DHX30: variants seen among roughly 807,000 people sequenced by gnomAD.
DHX30 encodes ATP-dependent RNA helicase DHX30.
DHX30 carries 4 observed loss-of-function variants against 116.9 expected under a neutral mutation model. The observed-to-expected ratio is 0.03, with a 90% CI of 0.02 to 0.08. DHX30 has a LOEUF of 0.08. DHX30 is among the 10% of genes least tolerant of loss of function. DHX30 has a pLI of 1.00. For missense variants in DHX30, 871 were observed against 1,595.1 expected, an observed-to-expected ratio of 0.55 and a Z score of 7.73; for synonymous variants, 697 against 651.7, an observed-to-expected ratio of 1.07 and a Z score of -1.06.
At chr3:47,822,231 G>A (rs1209358730) in intron 4 of DHX30, 1 of 152,182 alleles carries the variant, frequency 6.6e-6, no homozygotes, top group Admixed American at 6.5e-5. Context: ...GAGTCATTGA[G>A]GTTTGTGGAG....
intron 3 of DHX30, among the ~76,000 whole-genome samples, chr3:47,813,468 A>G (rs951024757): frequency 5.3e-5 from 8 of 152,214 alleles, no homozygotes; most frequent in Non-Finnish European, 2.9e-5. Context: ...CAATGTGTTT[A>G]TAGGAGGTAA....
intron 6 of DHX30, among the ~76,000 whole-genome samples, chr3:47,830,071 C>G (rs750266304): frequency 5.9e-5 from 9 of 151,528 alleles, no homozygotes; most frequent in Non-Finnish European, 1.2e-4. Flanking sequence ...ACTTTGTGAT[C>G]TGCCTACCTC....
intron 6 of DHX30, among the ~76,000 whole-genome samples, chr3:47,838,245 C>CACGCGTCTATTCTTAATAG (rs1467561826): frequency 6.6e-6 from 1 of 152,206 alleles, no homozygotes; most frequent in Non-Finnish European, 1.5e-5. Context: ...CTGCGGTTTT[C>CACGCGTCTATTCTTAATAG]ACGCGTCTAT....
At chr3:47,845,874 A>G (rs1576516670) in intron 10 of DHX30, 22 bp downstream of exon 10, 2 of 1,585,938 alleles carry the variant, frequency 1.3e-6, no homozygotes, top group East Asian at 4.5e-5. Flanking sequence ...TGCATCCCTC[A>G]CCACCCCTGC....
At chr3:47,810,744 C>T (rs564674170) in intron 3 of DHX30, 33 bp downstream of exon 3, 1 of 1,609,952 alleles carries the variant, frequency 6.2e-7, no homozygotes, top group East Asian at 2.2e-5. Context: ...GACCTCATGC[C>T]CTTCCTTATT....
chr3:47,818,259 C>T, intron 4 of DHX30, 142 bp downstream of exon 4: 1 of 642,226 alleles, frequency 1.6e-6, no homozygotes, highest in Non-Finnish European at 2.8e-6. Context: ...TATTGGAGCC[C>T]TGAGGGAGAA....
rs1428900121 is a variant in DHX30, at chr3:47,849,097, C to G, written c.2929+18C>G. On this transcript the variant is annotated intron_variant, in intron 18 of 21. Coordinates refer to ENST00000445061, the MANE Select transcript of DHX30 (RefSeq NM_138615.3). ...CATCCACGGTCAGTCGGGCCCACAC[C>G]TGCTCTCCTGAGCCCCTCCCACCCC... The G allele has an allele frequency of 3.1e-6, 5 of 1,610,556 alleles. No individual in the cohort carries two copies. The African/African-American group carries it at 4.0e-5, about 13-fold the overall frequency.
chr3:47,829,302 ATATATATATATATT>A (rs1169499004), intron 6 of DHX30, among the ~76,000 whole-genome samples, 168 bp downstream of exon 6: 2 of 35,144 alleles, frequency 5.7e-5, no homozygotes, highest in African/African-American at 1.7e-4. Context: ...ATATATATAT[ATATATATATATATT>A]TTTTTTTTTT....
At chr3:47,809,533 C>T (rs1368888355) in intron 2 of DHX30, among the ~76,000 whole-genome samples, 1 of 152,068 alleles carries the variant, frequency 6.6e-6, no homozygotes, top group African/African-American at 2.4e-5. Context: ...CGTGAGCCAC[C>T]GCGCCTGGCC....
At position 47,846,492 on chromosome 3, in the gene DHX30, C is replaced by T. The variant is rs764139820; in HGVS notation, c.1420C>T (p.Arg474Cys). ...GCGCATCCCCCAGCTGTTGCTGGAG[C>T]GCTATGTGACCGAGGGCCGAGGTGC... ...TTRIPQLLLE[R>C]YVTEGRGARC... Residue 474 changes from arginine (R) to cysteine (C), a missense_variant, in exon 11 of 22, where the codon CGC becomes TGC. This residue lies in a region of DHX30 where 63 missense variants were observed against 180.6 expected (regional missense o/e 0.35). Transcript: ENST00000445061. 10 of 1,613,954 alleles carry T rather than the reference C, an allele frequency of 6.2e-6. No individual in the cohort carries two copies. The South Asian group carries it at 6.6e-5, about 11-fold the overall frequency.
intron 6 of DHX30, among the ~76,000 whole-genome samples, chr3:47,833,515 A>AG (rs2036956597): frequency 7.6e-6 from 1 of 131,402 alleles, no homozygotes; most frequent in Admixed American, 8.4e-5. Flanking sequence ...CTGGGCAGCA[A>AG]AGCAGGACTC....
intron 9 of DHX30, among the ~76,000 whole-genome samples, chr3:47,844,748 T>C (rs1022348498): frequency 2.0e-5 from 3 of 152,200 alleles, no homozygotes; most frequent in African/African-American, 7.2e-5. Flanking sequence ...GCGTGAGGTA[T>C]TGGAATGCTA....
chr3:47,843,891 A>T (rs143235864), intron 9 of DHX30, among the ~76,000 whole-genome samples: 137 of 152,304 alleles, frequency 9.0e-4, no homozygotes, highest in African/African-American at 3.2e-3. Flanking sequence ...TGTAGAGACA[A>T]GGGTCTCACT....
intron 2 of DHX30, among the ~76,000 whole-genome samples, chr3:47,810,366 G>C (rs2035738692): frequency 6.6e-6 from 1 of 152,212 alleles, no homozygotes; most frequent in Non-Finnish European, 1.5e-5. Flanking sequence ...TGATGAACTA[G>C]ATAGAACTAC....
chr3:47,815,248 G>T lies in DHX30; in HGVS notation c.29-2774G>T, dbSNP rs180766706. Among the ~76,000 whole-genome samples the T allele has an allele frequency of 2.5e-4, 38 of 152,274 alleles. No individual in the cohort carries two copies. The East Asian group carries it at 6.2e-3, about 25-fold the overall frequency. Reference sequence around the variant, plus strand: ...GGACTACAGTGAAGATATTAGAGCTGAAATATAGGAAAAGCACCTGGCTAT... The same window carrying T: ...GGACTACAGTGAAGATATTAGAGCTTAAATATAGGAAAAGCACCTGGCTAT... On this transcript the variant is annotated intron_variant, in intron 3 of 21. Transcript: ENST00000445061.
At chr3:47,813,523 A>G (rs1163236997) in intron 3 of DHX30, among the ~76,000 whole-genome samples, 1 of 152,174 alleles carries the variant, frequency 6.6e-6, no homozygotes, top group African/African-American at 2.4e-5. Context: ...AGAGCTTTGT[A>G]TTTCTTAGAA....
chr3:47,819,786 C>G (rs1005774102), intron 4 of DHX30, among the ~76,000 whole-genome samples: 1 of 152,182 alleles, frequency 6.6e-6, no homozygotes, highest in Non-Finnish European at 1.5e-5. Context: ...CTTGACCCCC[C>G]TTCCTCCACT....
At chr3:47,812,063 C>CAAAAAAA (rs370479642) in intron 3 of DHX30, among the ~76,000 whole-genome samples, 1 of 89,120 alleles carries the variant, frequency 1.1e-5, no homozygotes, top group Admixed American at 1.4e-4. Flanking sequence ...GACTCAGTCT[C>CAAAAAAA]AAAAAAAAAA....
intron 3 of DHX30, among the ~76,000 whole-genome samples, chr3:47,815,464 G>A (rs979452532): frequency 6.6e-6 from 1 of 152,078 alleles, no homozygotes; most frequent in South Asian, 2.1e-4. Context: ...AGCCTCAATA[G>A]GATGGGCCAT....
Sources: gnomAD v4.1 joint callset for allele counts (sites outside exome capture counted in the v4.1 genomes callset) on GRCh38, gnomAD v4.1.1 for gene constraint, gnomAD v4.1.1 regional missense constraint, MANE v1.5 for transcripts, NCBI Gene and HGNC (gene_info 2026-07-23, HGNC 2026-07-21) for gene names.